Variants in ZBTB38 observed in about 807,000 individuals in gnomAD.
ZBTB38 encodes zinc finger and BTB domain-containing protein 38.
ZBTB38 carries 20 observed loss-of-function variants against 76.8 expected under a neutral mutation model. The ratio of observed to expected loss-of-function variants is 0.26; its 90% CI spans 0.18 to 0.38. The LOEUF (loss-of-function observed/expected upper bound fraction) is 0.38. ZBTB38 is among the 10% of genes least tolerant of loss of function. The pLI is 1.00. For missense variants in ZBTB38, 1,082 were observed against 1,482.3 expected (o/e 0.73, Z 4.43); for synonymous variants, 504 against 544.2 (o/e 0.93, Z 1.03).
intron 1 of ZBTB38, among the ~76,000 whole-genome samples, chr3:141,328,684 A>C (rs1942750096): frequency 6.6e-6 from 1 of 152,014 alleles, no homozygotes; most frequent in Admixed American, 6.6e-5. Context: ...TCTAAAACAC[A>C]GCCCAACCAC....
chr3:141,330,194 T>C (rs79428698), intron 1 of ZBTB38, among the ~76,000 whole-genome samples: 5,147 of 152,242 alleles, frequency 0.034, 191 homozygotes, highest in East Asian at 0.13. Context: ...CTATAGCCAG[T>C]GGCCTCAGGG....
At chr3:141,333,135 C>A (rs560421594) in intron 1 of ZBTB38, among the ~76,000 whole-genome samples, 27 of 152,172 alleles carry the variant, frequency 1.8e-4, no homozygotes, top group Non-Finnish European at 3.4e-4. Context: ...CCTTAGCAGG[C>A]CTTTGAGGGC....
In ZBTB38 at chr3:141,444,222, G is replaced by C. The variant is rs1156555914; in HGVS notation, c.1834G>C (p.Glu612Gln). Residue 612 changes from glutamate (E) to glutamine (Q), a missense_variant, in exon 6 of 6, where the codon GAA (glutamate) becomes CAA (glutamine). Transcript: ENST00000321464. This position sits in a 1 kb window ranked among gnomAD's most constrained non-coding sequence, Gnocchi z 5.1. ...TYVVQNPHSS[E>Q]LPTLNFQDTV... ...TGTTGTTCAGAATCCACACAGCTCT[G>C]AATTACCAACGCTGAATTTCCAAGA... 1 of 1,614,170 alleles carries C rather than the reference G, an allele frequency of 6.2e-7. No individual in the cohort carries two copies. Among genetic ancestry groups the C allele is most frequent in the East Asian group, 2.2e-5 (1 of 44,888 alleles).
At chr3:141,358,247 T>G (rs1943722632) in intron 1 of ZBTB38, among the ~76,000 whole-genome samples, 1 of 152,090 alleles carries the variant, frequency 6.6e-6, no homozygotes, top group Non-Finnish European at 1.5e-5. Context: ...GGGAGAACAT[T>G]TGAATTGAAC....
At chr3:141,356,716 CA>C (rs1240831453) in intron 1 of ZBTB38, among the ~76,000 whole-genome samples, 5 of 152,048 alleles carry the variant, frequency 3.3e-5, no homozygotes, top group African/African-American at 1.2e-4. Context: ...CAAATATGGG[CA>C]ATTCTTAAAT....
At chr3:141,403,749 G>A (rs1361927890) in intron 4 of ZBTB38, among the ~76,000 whole-genome samples, 178 bp from the exon 5 acceptor site, 1 of 152,170 alleles carries the variant, frequency 6.6e-6, no homozygotes, top group Non-Finnish European at 1.5e-5. Context: ...TGTAAAATGG[G>A]GGAATGTTCC....
At chr3:141,331,368 G>A (rs751700238) in intron 1 of ZBTB38, among the ~76,000 whole-genome samples, 1 of 152,202 alleles carries the variant, frequency 6.6e-6, no homozygotes, top group South Asian at 2.1e-4. Flanking sequence ...ATGTAGGAGA[G>A]AGAGACAGAG....
intron 4 of ZBTB38, chr3:141,402,577 G>A (rs1361084369): frequency 1.3e-5 from 2 of 151,522 alleles, no homozygotes; most frequent in African/African-American, 4.8e-5. Context: ...CGGGAAGCCG[G>A]GCTGGGGAAA....
chr3:141,426,059 T>C, intron 5 of ZBTB38: 2 of 1,052,342 alleles, frequency 1.9e-6, no homozygotes, highest in Admixed American at 4.7e-5. Flanking sequence ...TGTCAAATGA[T>C]GTCACAATGG....
intron 1 of ZBTB38, among the ~76,000 whole-genome samples, chr3:141,358,882 G>T (rs1269750843): frequency 6.6e-6 from 1 of 152,190 alleles, no homozygotes; most frequent in African/African-American, 2.4e-5. Flanking sequence ...CTAAAGGCTT[G>T]AACTACAGAA....
chr3:141,370,555 A>C (rs1481437721), intron 2 of ZBTB38, among the ~76,000 whole-genome samples: 1 of 152,252 alleles, frequency 6.6e-6, no homozygotes, highest in Non-Finnish European at 1.5e-5. Flanking sequence ...AAAGTTGCAT[A>C]GAAACAGTGG....
In ZBTB38 at chr3:141,449,343, T is replaced by C. The variant is rs758611833; in HGVS notation, c.*3367T>C. On this transcript the variant is annotated 3_prime_UTR_variant, in exon 6 of 6. Transcript: ENST00000321464. ...GTGTCAGGTTCAGCTTCCCCTGAAT[T>C]GGGCTTCCCTTATATCTCAGGAGAT... 8.5e-5 allele frequency: 13 copies of C among 152,228 alleles called. No individual in the cohort carries two copies. Among genetic ancestry groups the C allele is most frequent in the Non-Finnish European group, 1.6e-4 (11 of 68,040 alleles). The allele number at this position is 152,228 out of a possible 1,614,324, so 9.4% of individuals were successfully genotyped here.
At chr3:141,361,600 T>C (rs1943828342) in intron 1 of ZBTB38, among the ~76,000 whole-genome samples, 1 of 152,020 alleles carries the variant, frequency 6.6e-6, no homozygotes, top group Non-Finnish European at 1.5e-5. Flanking sequence ...TCTTGAAAAA[T>C]AGAAAACCCC....
rs1210462899 is a variant in ZBTB38, at chr3:141,449,073, C to T, written c.*3097C>T. 6.6e-6 allele frequency: 1 copy of T among 152,186 alleles called. No individual in the cohort carries two copies. The highest frequency in any genetic ancestry group is 1.5e-5 in the Non-Finnish European group (1 of 68,034). 9.4% of individuals were successfully genotyped at this position (152,186 alleles called of 1,614,324 possible). A position where few individuals can be genotyped will look rare whatever the true frequency, so the allele number is the denominator to read the frequency against. Reference sequence around the variant, plus strand: ...ATAGGCTATTTCATTAACACACACGCACCAGAATTCGACCTCATTATCCTC... The same window carrying T: ...ATAGGCTATTTCATTAACACACACGTACCAGAATTCGACCTCATTATCCTC... On this transcript the variant is annotated 3_prime_UTR_variant, in exon 6 of 6. Coordinates refer to ENST00000321464, the MANE Select transcript of ZBTB38 (RefSeq NM_001376113.1).
rs188252718 is a variant in ZBTB38, at chr3:141,355,146, C to G, written c.-738-13475C>G. Among the ~76,000 whole-genome samples, 140 of 152,134 alleles carry G rather than the reference C, an allele frequency of 9.2e-4. 1 individual carries two copies. Among genetic ancestry groups the G allele is most frequent in the Admixed American group, 8.6e-3 (131 of 15,268 alleles). ...AAGCTCTCCTCAAAGTACAAGCACT[C>G]CTCTCTTTCCAGGGAATCTCATAGA... On this transcript the variant is annotated intron_variant, in intron 1 of 7. Transcript: ENST00000509842.
chr3:141,397,455 G>C (rs1950604320), intron 4 of ZBTB38, among the ~76,000 whole-genome samples: 1 of 152,166 alleles, frequency 6.6e-6, no homozygotes, highest in Non-Finnish European at 1.5e-5. Flanking sequence ...GTGTTCATTG[G>C]AGTATCCCTT....
chr3:141,375,570 AC>A (rs368205982), intron 2 of ZBTB38, among the ~76,000 whole-genome samples: 1 of 152,300 alleles, frequency 6.6e-6, no homozygotes, highest in East Asian at 1.9e-4. Flanking sequence ...AAGAAGCTGG[AC>A]CCAGGAGGAC....
At chr3:141,329,276 C>T (rs1306182095) in intron 1 of ZBTB38, among the ~76,000 whole-genome samples, 1 of 152,188 alleles carries the variant, frequency 6.6e-6, no homozygotes, top group African/African-American at 2.4e-5. Context: ...TGACTGTGTT[C>T]CTCCCATCCT....
chr3:141,360,530 T>G (rs1943789337), intron 1 of ZBTB38, among the ~76,000 whole-genome samples: 1 of 152,328 alleles, frequency 6.6e-6, no homozygotes, highest in African/African-American at 2.4e-5. Flanking sequence ...TTTATTATAT[T>G]ACTCTTATTT....
Sources: gnomAD v4.1 joint callset for allele counts (sites outside exome capture counted in the v4.1 genomes callset) on GRCh38, gnomAD v4.1.1 for gene constraint, Gnocchi (gnomAD v3.1) non-coding constraint, MANE v1.5 for transcripts, NCBI Gene and HGNC (gene_info 2026-07-23, HGNC 2026-07-21) for gene names.